The following SULF1 variants were observed in gnomAD, a reference collection of about 807,000 sequenced individuals.
SULF1 encodes the protein extracellular sulfatase Sulf-1.
A neutral mutation model predicts 110.5 loss-of-function variants in SULF1; 46 were observed. The ratio of observed to expected loss-of-function variants is 0.42; its 90% CI spans 0.33 to 0.53. SULF1 has a LOEUF of 0.53. Ranked by LOEUF, SULF1 falls within the 20% of genes least tolerant of loss-of-function variation. The probability of loss-of-function intolerance (pLI) is 0.12; values close to 1 mark genes in which losing one functional copy is unlikely to be tolerated. For missense variants in SULF1, 941 were observed against 1,094.2 expected, an observed-to-expected ratio of 0.86 and a Z score of 1.98; for synonymous variants, 371 against 387.1, an observed-to-expected ratio of 0.96 and a Z score of 0.49.
At chr8:69,520,566 C>A (rs542964680) in intron 3 of SULF1, among the ~76,000 whole-genome samples, 4 of 152,252 alleles carry the variant, frequency 2.6e-5, no homozygotes, top group Non-Finnish European at 5.9e-5. Flanking sequence ...TAAAACTAAG[C>A]AAAATGACAT....
chr8:69,588,909 C>A, intron 7 of SULF1, 63 bp from the exon 8 acceptor site: 1 of 1,519,732 alleles, frequency 6.6e-7, no homozygotes, highest in African/African-American at 1.4e-5. Flanking sequence ...AGCAGTTATT[C>A]AAATGCGATC....
intron 1 of SULF1, among the ~76,000 whole-genome samples, chr8:69,473,880 C>G (rs1233748605): frequency 6.6e-6 from 1 of 152,136 alleles, no homozygotes; most frequent in Admixed American, 6.5e-5. Context: ...ATGATCTTTC[C>G]AATCAGTAAA....
At chr8:69,468,563 T>C (rs1808954107) in intron 1 of SULF1, among the ~76,000 whole-genome samples, 1 of 152,206 alleles carries the variant, frequency 6.6e-6, no homozygotes, top group African/African-American at 2.4e-5. Flanking sequence ...ATTATCTGAT[T>C]CCCAATATTA....
chr8:69,656,357 C>A (rs769053895), intron 22 of SULF1, among the ~76,000 whole-genome samples: 1 of 152,088 alleles, frequency 6.6e-6, no homozygotes, highest in African/African-American at 2.4e-5. Flanking sequence ...GTGCAGGATG[C>A]GCAGGTTTGT....
intron 22 of SULF1, among the ~76,000 whole-genome samples, chr8:69,657,611 A>G (rs1008819729): frequency 2.6e-5 from 4 of 152,158 alleles, no homozygotes; most frequent in African/African-American, 9.7e-5. Flanking sequence ...TTTGGTGTCA[A>G]CGTTTTTTAT....
chr8:69,482,952 G>GA (rs1020149187), intron 1 of SULF1, among the ~76,000 whole-genome samples: 4 of 151,446 alleles, frequency 2.6e-5, no homozygotes, highest in African/African-American at 9.7e-5. Flanking sequence ...CTATTCAGGG[G>GA]AAAAAAATAC....
At chr8:69,644,484 T>C (rs1037725941) in intron 22 of SULF1, among the ~76,000 whole-genome samples, 3 of 151,896 alleles carry the variant, frequency 2.0e-5, no homozygotes, top group Non-Finnish European at 4.4e-5. Flanking sequence ...ACCACCAAAC[T>C]CCATCATCAG....
intron 22 of SULF1, among the ~76,000 whole-genome samples, chr8:69,648,271 C>T (rs1479016634): frequency 6.6e-6 from 1 of 152,042 alleles, no homozygotes; most frequent in East Asian, 1.9e-4. Flanking sequence ...AGAAATGAGA[C>T]TTGGAAGAGA....
chr8:69,606,565 G>A (rs1808235079), intron 13 of SULF1, among the ~76,000 whole-genome samples: 1 of 152,104 alleles, frequency 6.6e-6, no homozygotes, highest in Non-Finnish European at 1.5e-5. Flanking sequence ...ATAGCCTTTT[G>A]GGAATAAGGT....
intron 19 of SULF1, among the ~76,000 whole-genome samples, chr8:69,631,442 T>C (rs570264586): frequency 9.1e-4 from 139 of 152,284 alleles, no homozygotes; most frequent in South Asian, 2.7e-3. Flanking sequence ...GACACCTGCT[T>C]TTCTTAAGCT....
intron 5 of SULF1, among the ~76,000 whole-genome samples, chr8:69,575,506 A>G (rs1371281665): frequency 6.6e-6 from 1 of 152,086 alleles, no homozygotes; most frequent in Non-Finnish European, 1.5e-5. Context: ...ATATGGAAGA[A>G]ATTTTTTTCT....
intron 3 of SULF1, among the ~76,000 whole-genome samples, chr8:69,526,443 C>T (rs759477023): frequency 8.6e-5 from 13 of 151,818 alleles, no homozygotes; most frequent in Non-Finnish European, 1.8e-4. Context: ...TCTTCCATTT[C>T]AAAATATTTG....
chr8:69,611,720 G>A (rs1364008947), intron 13 of SULF1, among the ~76,000 whole-genome samples: 1 of 152,186 alleles, frequency 6.6e-6, no homozygotes, highest in African/African-American at 2.4e-5. Flanking sequence ...CAGAGAACAT[G>A]ATTTGACCTG....
At chr8:69,535,414 G>A (rs1813368337) in intron 3 of SULF1, among the ~76,000 whole-genome samples, 1 of 152,166 alleles carries the variant, frequency 6.6e-6, no homozygotes, top group Non-Finnish European at 1.5e-5. Flanking sequence ...CAGAAGAGAG[G>A]TGCACTCCAG....
At chr8:69,518,613 G>A (rs879295191) in intron 3 of SULF1, among the ~76,000 whole-genome samples, 4 of 152,124 alleles carry the variant, frequency 2.6e-5, no homozygotes, top group Non-Finnish European at 5.9e-5. Context: ...GATCTAGAAT[G>A]ACCTACCTCT....
intron 22 of SULF1, among the ~76,000 whole-genome samples, chr8:69,653,116 G>A (rs1812476074): frequency 6.6e-6 from 1 of 152,060 alleles, no homozygotes; most frequent in Non-Finnish European, 1.5e-5. Flanking sequence ...CTGTCACCCA[G>A]GCTGGAGTAT....
Position 69,601,875 on chromosome 8 carries a change from G to A in SULF1, c.1061+46G>A, listed in dbSNP as rs766704655. On this transcript the variant is annotated intron_variant, in intron 10 of 22. Coordinates refer to ENST00000402687, the MANE Select transcript of SULF1 (RefSeq NM_001128205.2). ...AACATTCAACTGTCGTACCTCAAGT[G>A]TGTCTAAGATAATTCAATTACCAGT... 134 of 1,545,980 alleles carry A rather than the reference G, an allele frequency of 8.7e-5. No homozygotes were observed. The East Asian group carries it at 1.4e-3, about 17-fold the overall frequency.
intron 5 of SULF1, among the ~76,000 whole-genome samples, chr8:69,575,645 C>T (rs559288520): frequency 6.6e-6 from 1 of 152,134 alleles, no homozygotes; most frequent in African/African-American, 2.4e-5. Flanking sequence ...CTATTGTTCT[C>T]TGGTAATCTT....
rs183835170 is a variant in SULF1 at position 69,482,589 on chromosome 8, G to T, written c.-390-13176G>T. Among the ~76,000 whole-genome samples the T allele has an allele frequency of 5.0e-3, 754 of 152,036 alleles. 6 individuals are homozygous for T. Among genetic ancestry groups the T allele is most frequent in the African/African-American group, 0.015 (631 of 41,496 alleles). ...TATAAAATCTCTGTTTGTATATATA[G>T]AGAGAGAGGGGCAGGGGGAGGGAAT... On this transcript the variant is annotated intron_variant, in intron 1 of 22. Coordinates refer to the SULF1 transcript ENST00000260128.
Sources: gnomAD v4.1 joint callset for allele counts (sites outside exome capture counted in the v4.1 genomes callset) on GRCh38, gnomAD v4.1.1 for gene constraint, MANE v1.5 for transcripts, NCBI Gene and HGNC (gene_info 2026-07-23, HGNC 2026-07-21) for gene names.